The following PARN variants were observed in gnomAD, a reference collection of about 807,000 sequenced individuals.
The protein encoded by PARN is poly(A)-specific ribonuclease, also known as poly(A)-specific ribonuclease PARN.
In PARN, 71 loss-of-function variants were observed where a neutral mutation model predicts 102.8. That is an observed-to-expected ratio of 0.69 (90% CI 0.57 to 0.84). The LOEUF (loss-of-function observed/expected upper bound fraction) is 0.84. Ranked by LOEUF, PARN falls within the 40% of genes least tolerant of loss-of-function variation. PARN has a pLI of 0.00. For synonymous variants in PARN, 261 were observed against 252.9 expected (o/e 1.03, Z -0.30); for missense variants, 782 against 760.9 (o/e 1.03, Z -0.33).
intron 23 of PARN, among the ~76,000 whole-genome samples, chr16:14,443,853 A>T (rs1961068153): frequency 1.3e-5 from 2 of 151,476 alleles, no homozygotes; most frequent in African/African-American, 4.8e-5. Context: ...GTACCTGCTG[A>T]GATGCTTTTC....
intron 22 of PARN, among the ~76,000 whole-genome samples, chr16:14,464,617 C>T (rs561034459): frequency 5.9e-5 from 9 of 151,942 alleles, no homozygotes; most frequent in South Asian, 2.1e-4. Context: ...ATTAGCCAGG[C>T]GTGGTGGCGC....
chr16:14,560,479 A>T (rs1967987005), intron 18 of PARN, among the ~76,000 whole-genome samples: 1 of 152,238 alleles, frequency 6.6e-6, no homozygotes, highest in South Asian at 2.1e-4. Flanking sequence ...AAACACTAAA[A>T]TTAAAATTCC....
chr16:14,465,332 T>G (rs1402062506), intron 22 of PARN, among the ~76,000 whole-genome samples: 1 of 152,134 alleles, frequency 6.6e-6, no homozygotes, highest in African/African-American at 2.4e-5. Flanking sequence ...ATCCTCCCAA[T>G]GTGGTCTCCC....
At chr16:14,478,788 T>C (rs1963213587) in intron 22 of PARN, among the ~76,000 whole-genome samples, 1 of 152,220 alleles carries the variant, frequency 6.6e-6, no homozygotes, top group African/African-American at 2.4e-5. Flanking sequence ...TGAATTATAT[T>C]TCTTTTTTTT....
intron 21 of PARN, among the ~76,000 whole-genome samples, chr16:14,530,356 G>A (rs570415461): frequency 1.3e-5 from 2 of 152,092 alleles, no homozygotes; most frequent in East Asian, 1.9e-4. Flanking sequence ...ACCAACACCC[G>A]CCACAGTGCT....
chr16:14,455,940 C>T (rs1411601715), intron 22 of PARN, among the ~76,000 whole-genome samples: 1 of 152,154 alleles, frequency 6.6e-6, no homozygotes, highest in African/African-American at 2.4e-5. Context: ...TTTTAGTTCT[C>T]GCAGAATATT....
chr16:14,524,447 T>C (rs1399743255), intron 21 of PARN, among the ~76,000 whole-genome samples: 1 of 152,160 alleles, frequency 6.6e-6, no homozygotes, highest in African/African-American at 2.4e-5. Flanking sequence ...AACTGCAGCA[T>C]TAAGAGTGTT....
intron 6 of PARN, among the ~76,000 whole-genome samples, chr16:14,614,554 C>G (rs372261118): frequency 6.6e-6 from 1 of 152,002 alleles, no homozygotes; most frequent in African/African-American, 2.4e-5. Flanking sequence ...GGCTCCCGTA[C>G]AAAAGAAAAT....
At chr16:14,538,369 G>A (rs953606616) in intron 21 of PARN, among the ~76,000 whole-genome samples, 6 of 151,512 alleles carry the variant, frequency 4.0e-5, no homozygotes, top group Admixed American at 1.3e-4. Context: ...CAGGTGCAAC[G>A]CCACCATGCC....
rs1207058368 is a variant in PARN at position 14,532,260 on chromosome 16, G to A, written c.1480+19761C>T. On this transcript the variant is annotated intron_variant, in intron 21 of 23. Coordinates refer to ENST00000437198, the MANE Select transcript of PARN (RefSeq NM_002582.4). ...GCAGGGTCATAGGACAATAGTGAAG[G>A]GAAGGTCAGCAGATAAACAAGTGAA... Among the ~76,000 whole-genome samples the A allele has an allele frequency of 4.0e-5, 6 of 151,104 alleles. No individual in the cohort carries two copies. In the East Asian group the frequency reaches 9.7e-4, roughly 24 times the overall value.
chr16:14,521,819 A>T (rs1284163818), intron 21 of PARN, among the ~76,000 whole-genome samples: 2 of 151,870 alleles, frequency 1.3e-5, no homozygotes, highest in African/African-American at 4.8e-5. Flanking sequence ...AAAAAAATAC[A>T]CGTAACCACC....
chr16:14,447,121 A>T, intron 22 of PARN, 40 bp from the exon 23 acceptor site: 4 of 1,399,502 alleles, frequency 2.9e-6, no homozygotes, highest in Non-Finnish European at 4.0e-6. Flanking sequence ...AGGTGCTGAG[A>T]GTTACAGGAA....
Position 14,584,368 on chromosome 16 carries a change from G to A in PARN, c.1060C>T (p.Pro354Ser). The A allele has an allele frequency of 1.2e-6, 2 of 1,611,074 alleles. No homozygotes were observed. Among genetic ancestry groups the A allele is most frequent in the Non-Finnish European group, 1.7e-6 (2 of 1,177,374 alleles). The change falls in exon 16 of 24, where the codon CCT (proline) becomes TCT (serine). Residue 354 changes from proline to serine, a missense_variant. Physicochemically the swap from Pro to Ser is moderately conservative, Grantham distance 74. Coordinates refer to ENST00000437198, the MANE Select transcript of PARN (RefSeq NM_002582.4). ...AELEKRLKETPFNPPKVESAE... is the reference protein window; with the variant it reads ...AELEKRLKETSFNPPKVESAE... ...TTACCAACTTTAGGAGGGTTGAAAG[G>A]TGTCTCTTTTAACCGCTTTTCCAAT...
intron 23 of PARN, among the ~76,000 whole-genome samples, chr16:14,438,822 G>A (rs1960824337): frequency 6.6e-6 from 1 of 152,124 alleles, no homozygotes; most frequent in Admixed American, 6.5e-5. Context: ...AGAATGATGT[G>A]TACAAAGGGG....
chr16:14,608,921 G>A (rs1440872289), intron 8 of PARN, 137 bp downstream of exon 8: 16 of 623,422 alleles, frequency 2.6e-5, no homozygotes, highest in Non-Finnish European at 4.0e-5. Flanking sequence ...GCTAAAGTTA[G>A]TGTTTAATTC....
rs554855041 is a variant in PARN, at chr16:14,473,008, T to C, written c.1670+9630A>G. 4.6e-5 allele frequency among the ~76,000 whole-genome samples: 7 copies of C among 152,300 alleles called. No individual in the cohort carries two copies. The South Asian group carries it at 1.2e-3, about 27-fold the overall frequency. ...GTATAGATACAAAAAGTAGTAAATATTATAAATAATAACTAATCAAAGTGA... is the reference window on the plus strand; with the variant it reads ...GTATAGATACAAAAAGTAGTAAATACTATAAATAATAACTAATCAAAGTGA... On this transcript the variant is annotated intron_variant, in intron 22 of 23. Coordinates refer to ENST00000437198, the MANE Select transcript of PARN (RefSeq NM_002582.4).
chr16:14,480,440 A>C (rs1309830088), intron 22 of PARN, among the ~76,000 whole-genome samples: 1 of 152,236 alleles, frequency 6.6e-6, no homozygotes, highest in Non-Finnish European at 1.5e-5. Context: ...ATATCTGACA[A>C]AGGCTATGTA....
At chr16:14,448,185 G>A (rs1472586367) in intron 22 of PARN, among the ~76,000 whole-genome samples, 1 of 151,126 alleles carries the variant, frequency 6.6e-6, no homozygotes, top group Non-Finnish European at 1.5e-5. Context: ...GTCTCGCTCT[G>A]TCCCCCAGGC....
At chr16:14,442,300 T>C (rs1219522598) in intron 23 of PARN, among the ~76,000 whole-genome samples, 2 of 152,148 alleles carry the variant, frequency 1.3e-5, no homozygotes, top group African/African-American at 4.8e-5. Flanking sequence ...CAATTAAACA[T>C]GACCTGGGAA....
Sources: gnomAD v4.1 joint callset for allele counts (sites outside exome capture counted in the v4.1 genomes callset) on GRCh38, gnomAD v4.1.1 for gene constraint, MANE v1.5 for transcripts, NCBI Gene and HGNC (gene_info 2026-07-23, HGNC 2026-07-21) for gene names.